ADAMTS3: variants seen among roughly 807,000 people sequenced by gnomAD.
The protein encoded by ADAMTS3 is A disintegrin and metalloproteinase with thrombospondin motifs 3.
In ADAMTS3, 73 loss-of-function variants were observed where a neutral mutation model predicts 129.0. That is an observed-to-expected ratio of 0.57 (90% CI 0.47 to 0.69). The LOEUF (loss-of-function observed/expected upper bound fraction) is 0.69. ADAMTS3 is among the 30% of genes least tolerant of loss of function. The pLI is 0.00. For missense variants in ADAMTS3, 1,457 were observed against 1,514.5 expected (o/e 0.96, Z 0.63); for synonymous variants, 477 against 510.8 (o/e 0.93, Z 0.89).
intron 3 of ADAMTS3, among the ~76,000 whole-genome samples, chr4:72,441,248 T>C (rs1363959937): frequency 1.3e-5 from 2 of 151,824 alleles, no homozygotes; most frequent in East Asian, 3.9e-4. Context: ...AGTAGTTTCT[T>C]CTTTTTATTG....
At chr4:72,286,652 G>T (rs1015948168) in intron 21 of ADAMTS3, among the ~76,000 whole-genome samples, 2 of 152,100 alleles carry the variant, frequency 1.3e-5, no homozygotes, top group Admixed American at 1.3e-4. Flanking sequence ...ACTTCTTTAG[G>T]CCTGAGTCTT....
At chr4:72,541,331 T>C (rs1285299815) in intron 3 of ADAMTS3, among the ~76,000 whole-genome samples, 2 of 152,362 alleles carry the variant, frequency 1.3e-5, no homozygotes, top group Middle Eastern at 3.4e-3. Flanking sequence ...CCAATGCCTG[T>C]ACCCACATTG....
chr4:72,325,812 T>C (rs1347148917), intron 5 of ADAMTS3, among the ~76,000 whole-genome samples: 1 of 152,028 alleles, frequency 6.6e-6, no homozygotes, highest in East Asian at 1.9e-4. Flanking sequence ...CTTAGAATAA[T>C]AAAATGAAGG....
intron 3 of ADAMTS3, among the ~76,000 whole-genome samples, chr4:72,450,545 T>C (rs1286014082): frequency 6.6e-6 from 1 of 151,776 alleles, no homozygotes; most frequent in Non-Finnish European, 1.5e-5. Flanking sequence ...TGTGTAGAGG[T>C]AGTTTTTACT....
At chr4:72,350,413 G>A (rs1346424073) in intron 4 of ADAMTS3, among the ~76,000 whole-genome samples, 1 of 151,884 alleles carries the variant, frequency 6.6e-6, no homozygotes, top group Admixed American at 6.6e-5. Context: ...GTTCTGTGTT[G>A]GTTTGGACAG....
chr4:72,508,282 G>A (rs1006992317), intron 3 of ADAMTS3, among the ~76,000 whole-genome samples: 5 of 152,084 alleles, frequency 3.3e-5, no homozygotes, highest in Admixed American at 2.0e-4. Flanking sequence ...CATAGCAATA[G>A]TTCTTTAGAG....
rs147279363 is a variant in ADAMTS3, at chr4:72,487,517, C to T, written c.504+60961G>A. Among the ~76,000 whole-genome samples, 445 of 152,200 alleles carry T rather than the reference C, an allele frequency of 2.9e-3. 4 individuals are homozygous for T. Among genetic ancestry groups the T allele is most frequent in the Middle Eastern group, 6.8e-3 (2 of 294 alleles). ...AGATGCCCATCTCTGTCTGCCCTGT[C>T]CCTCACCATACATGGGCAATCAGTT... is the stretch of plus-strand genomic sequence containing the variant. On this transcript the variant is annotated intron_variant, in intron 3 of 21. Coordinates refer to ENST00000286657, the MANE Select transcript of ADAMTS3 (RefSeq NM_014243.3).
At chr4:72,421,569 A>G (rs908734464) in intron 3 of ADAMTS3, among the ~76,000 whole-genome samples, 3 of 152,192 alleles carry the variant, frequency 2.0e-5, no homozygotes, top group African/African-American at 7.2e-5. Flanking sequence ...AGTAGGAGAG[A>G]GTTTTGTCAA....
In ADAMTS3 at chr4:72,339,663, C is replaced by T. The variant is rs1578595823; in HGVS notation, c.692G>A (p.Gly231Asp). 1 of 1,613,756 alleles carries T rather than the reference C, an allele frequency of 6.2e-7. No individual in the cohort carries two copies. The highest frequency in any genetic ancestry group is 2.2e-5 in the East Asian group (1 of 44,858). Reference protein sequence around the residue: ...ESDLEGLDDLGTVYGNIHQQL... With the variant: ...ESDLEGLDDLDTVYGNIHQQL... ...CTGGTGGATGTTGCCATAAACAGTA[C>T]CTAGATCATCAAGGCCTTCCAGGTC... The change falls in exon 5 of 22, where the codon GGT (glycine) becomes GAT (aspartate). Residue 231 changes from glycine (G) to aspartate (D), a missense_variant. By Grantham distance (94) the Gly-to-Asp change is moderately conservative. Transcript: ENST00000286657.
chr4:72,370,945 T>A (rs1276019311), intron 4 of ADAMTS3, among the ~76,000 whole-genome samples: 1 of 152,218 alleles, frequency 6.6e-6, no homozygotes, highest in Non-Finnish European at 1.5e-5. Flanking sequence ...CAAGTCATAA[T>A]GAATTAGCGT....
At chr4:72,451,178 G>T (rs1560520175) in intron 3 of ADAMTS3, among the ~76,000 whole-genome samples, 1 of 151,662 alleles carries the variant, frequency 6.6e-6, no homozygotes, top group Non-Finnish European at 1.5e-5. Context: ...AGAGAAGTTG[G>T]CCAGGTATCT....
intron 9 of ADAMTS3, 99 bp from the exon 10 acceptor site, chr4:72,318,803 T>G: frequency 8.2e-7 from 1 of 1,223,698 alleles, no homozygotes; most frequent in Non-Finnish European, 1.1e-6. Flanking sequence ...CTTTAGAATT[T>G]CATCCCAGAT....
intron 4 of ADAMTS3, among the ~76,000 whole-genome samples, chr4:72,398,369 C>T (rs181602771): frequency 4.6e-5 from 7 of 151,712 alleles, no homozygotes; most frequent in African/African-American, 1.7e-4. Flanking sequence ...CCAGCCTGGC[C>T]AACATGGAGA....
At chr4:72,336,171 T>C (rs1180964142) in intron 5 of ADAMTS3, among the ~76,000 whole-genome samples, 4 of 152,150 alleles carry the variant, frequency 2.6e-5, no homozygotes, top group Non-Finnish European at 5.9e-5. Context: ...ACCAACAATT[T>C]TAAAGGACAG....
Position 72,314,044 on chromosome 4 carries a change from C to G in ADAMTS3, c.1600-222G>C, listed in dbSNP as rs146510402. 5.2e-3 allele frequency among the ~76,000 whole-genome samples: 797 copies of G among 151,958 alleles called. 10 individuals carry two copies. Among genetic ancestry groups the G allele is most frequent in the African/African-American group, 0.019 (766 of 41,344 alleles). ...GTAGAAAATTAAAATGGAAAAACAA[C>G]ATTCACTCAGACAAGTTTTTAAATG... On this transcript the variant is annotated intron_variant, in intron 11 of 21. Transcript: ENST00000286657.
chr4:72,434,995 C>T (rs902363946), intron 3 of ADAMTS3, among the ~76,000 whole-genome samples: 1 of 151,822 alleles, frequency 6.6e-6, no homozygotes, highest in African/African-American at 2.4e-5. Flanking sequence ...CCAACCTGAA[C>T]GAACTTGAAA....
chr4:72,411,509 G>C (rs1219700141), intron 4 of ADAMTS3, among the ~76,000 whole-genome samples: 1 of 151,944 alleles, frequency 6.6e-6, no homozygotes, highest in Non-Finnish European at 1.5e-5. Flanking sequence ...GAGAATGACA[G>C]AGTAGAAGGC....
rs1212171351 is a variant in ADAMTS3, at chr4:72,319,332, T to C, written c.1352A>G (p.His451Arg). ...CSGQELKRYI[H>R]SYDCLLDDPF... ...TCATGACATGCAGCAGGGGACATAC[T>C]GGATATATCTTTTCAGTTCTTGACC... The change falls in exon 9 of 22, where the codon CAT (histidine) becomes CGT (arginine). Residue 451 changes from histidine to arginine, a missense_variant and splice_region_variant. Transcript: ENST00000286657. The C allele has an allele frequency of 6.2e-7, 1 of 1,613,818 alleles. No homozygotes were observed. The highest frequency in any genetic ancestry group is 8.5e-7 in the Non-Finnish European group (1 of 1,179,868).
chr4:72,451,665 T>A (rs1294088779), intron 3 of ADAMTS3, among the ~76,000 whole-genome samples: 1 of 151,686 alleles, frequency 6.6e-6, no homozygotes, highest in East Asian at 2.0e-4. Flanking sequence ...TTCAAAGTAA[T>A]GAAACCAAAA....
Sources: gnomAD v4.1 joint callset for allele counts (sites outside exome capture counted in the v4.1 genomes callset) on GRCh38, gnomAD v4.1.1 for gene constraint, MANE v1.5 for transcripts, NCBI Gene and HGNC (gene_info 2026-07-23, HGNC 2026-07-21) for gene names.